Variants in MREG observed in about 807,000 individuals in gnomAD.
The protein encoded by MREG is dilute suppressor protein homolog.
Under a neutral mutation model 28.5 loss-of-function variants are expected in MREG, and 31 were observed. That is an observed-to-expected ratio of 1.09 (90% CI 0.82 to 1.47). The LOEUF is 1.47. MREG is among the 40% of genes most tolerant of loss of function. The pLI is 0.00. For missense variants in MREG, 256 were observed against 257.4 expected, an observed-to-expected ratio of 0.99 and a Z score of 0.04; for synonymous variants, 106 against 95.2, an observed-to-expected ratio of 1.11 and a Z score of -0.66.
At chr2:215,967,507 T>A (rs923878036) in intron 2 of MREG, among the ~76,000 whole-genome samples, 7 of 152,228 alleles carry the variant, frequency 4.6e-5, no homozygotes, top group Non-Finnish European at 1.0e-4. Flanking sequence ...AGCTAGAAGA[T>A]TCTCTCAATC....
upstream of MREG, among the ~76,000 whole-genome samples, chr2:216,016,508 C>T (rs1273276852): frequency 6.6e-6 from 1 of 152,082 alleles, no homozygotes; most frequent in Non-Finnish European, 1.5e-5. Context: ...AGTGCTGTGC[C>T]CCATTACTAA....
chr2:215,951,176 C>T lies in MREG; in HGVS notation c.256-4063G>A, dbSNP rs185942220. ...CTCTTTTCTTCATAAATTACCCAGCCTCAGGTGGTTCTTTATAGCAGTGTG... is the reference window on the plus strand; with the variant it reads ...CTCTTTTCTTCATAAATTACCCAGCTTCAGGTGGTTCTTTATAGCAGTGTG... On this transcript the variant is annotated intron_variant, in intron 2 of 4. Transcript: ENST00000263268. Among the ~76,000 whole-genome samples, 15 of 152,254 alleles carry T rather than the reference C, an allele frequency of 9.9e-5. No homozygotes were observed. The East Asian group carries it at 2.5e-3, about 25-fold the overall frequency.
At chr2:215,953,565 A>T (rs1270491366) in intron 2 of MREG, among the ~76,000 whole-genome samples, 1 of 152,236 alleles carries the variant, frequency 6.6e-6, no homozygotes, top group Non-Finnish European at 1.5e-5. Context: ...GCACAATGTG[A>T]TATGAAGGTG....
upstream of MREG, among the ~76,000 whole-genome samples, chr2:216,013,892 C>CA (rs1209213279): frequency 6.6e-6 from 1 of 151,944 alleles, no homozygotes; most frequent in Non-Finnish European, 1.5e-5. Flanking sequence ...ACCAAAAGAG[C>CA]ATGGATTGAT....
downstream of MREG, among the ~76,000 whole-genome samples, chr2:215,940,110 G>A (rs1692180601): frequency 6.6e-6 from 1 of 152,186 alleles, no homozygotes. Flanking sequence ...AAATCTGGTT[G>A]CCTGACTTAG....
At chr2:215,949,250 G>C (rs988806736) in intron 2 of MREG, among the ~76,000 whole-genome samples, 48 of 144,028 alleles carry the variant, frequency 3.3e-4, no homozygotes, top group African/African-American at 1.2e-3. Flanking sequence ...GTGAGAGTGA[G>C]ACTTTGTCTT....
chr2:215,987,103 A>T (rs1693592082), intron 2 of MREG, among the ~76,000 whole-genome samples: 1 of 152,246 alleles, frequency 6.6e-6, no homozygotes, highest in Admixed American at 6.5e-5. Context: ...AGTTCCCTGA[A>T]GCAAAAAAGT....
At chr2:215,947,635 C>T (rs552946599) in intron 2 of MREG, among the ~76,000 whole-genome samples, 6 of 152,274 alleles carry the variant, frequency 3.9e-5, no homozygotes, top group East Asian at 3.9e-4. Flanking sequence ...TCATAAGAAA[C>T]AGACACACAC....
At chr2:215,987,030 C>T (rs762326015) in intron 2 of MREG, among the ~76,000 whole-genome samples, 3 of 152,032 alleles carry the variant, frequency 2.0e-5, no homozygotes, top group Non-Finnish European at 2.9e-5. Flanking sequence ...AATAAATCAA[C>T]GTAAATATCA....
At chr2:215,979,719 G>A (rs889375551) in intron 2 of MREG, among the ~76,000 whole-genome samples, 1 of 151,628 alleles carries the variant, frequency 6.6e-6, no homozygotes, top group Non-Finnish European at 1.5e-5. Context: ...AGACTGCCTT[G>A]AGAAGCCAGC....
chr2:215,955,414 T>C (rs898781397), intron 2 of MREG, among the ~76,000 whole-genome samples: 1 of 152,202 alleles, frequency 6.6e-6, no homozygotes, highest in Admixed American at 6.6e-5. Flanking sequence ...TCATGCACTA[T>C]ATACCACCCT....
chr2:216,024,295 G>A (rs1227965396), intron 1 of MREG, among the ~76,000 whole-genome samples: 1 of 152,102 alleles, frequency 6.6e-6, no homozygotes, highest in Non-Finnish European at 1.5e-5. Context: ...CCAGCACTTT[G>A]GGAGACTGAG....
Position 215,943,750 on chromosome 2 carries a change from G to A in MREG, c.*1113C>T, listed in dbSNP as rs766932764. 206 of 263,132 alleles carry A rather than the reference G, an allele frequency of 7.8e-4. No individual in the cohort carries two copies. Among genetic ancestry groups the A allele is most frequent in the Middle Eastern group, 1.5e-3 (1 of 680 alleles). 16.3% of individuals were successfully genotyped at this position (263,132 alleles called of 1,614,324 possible). On this transcript the variant is annotated 3_prime_UTR_variant, in exon 5 of 5. Coordinates refer to ENST00000263268, the MANE Select transcript of MREG (RefSeq NM_018000.3). Reference sequence around the variant, plus strand: ...CAGCTACTCCAGAGGCTGAGGCAGGGGAATCACTTGAAACCGGAAGGCGGA... The same window carrying A: ...CAGCTACTCCAGAGGCTGAGGCAGGAGAATCACTTGAAACCGGAAGGCGGA...
At chr2:215,983,597 C>G (rs1693486355) in intron 2 of MREG, among the ~76,000 whole-genome samples, 1 of 152,170 alleles carries the variant, frequency 6.6e-6, no homozygotes, top group African/African-American at 2.4e-5. Context: ...AAATGAGGAT[C>G]ATTTATGTGT....
intron 1 of MREG, among the ~76,000 whole-genome samples, chr2:216,030,886 C>T (rs964756063): frequency 2.7e-5 from 4 of 149,630 alleles, no homozygotes; most frequent in African/African-American, 9.8e-5. Context: ...CAATTTATTT[C>T]GGCATTCCAA....
intron 2 of MREG, among the ~76,000 whole-genome samples, chr2:215,950,309 C>T (rs919836011): frequency 6.6e-6 from 1 of 152,214 alleles, no homozygotes; most frequent in African/African-American, 2.4e-5. Context: ...TTTAAAACAT[C>T]CTTCCCTTCC....
intron 2 of MREG, among the ~76,000 whole-genome samples, chr2:215,948,936 C>A (rs1456054071): frequency 6.6e-6 from 1 of 152,082 alleles, no homozygotes; most frequent in Non-Finnish European, 1.5e-5. Context: ...AGGACGCTGG[C>A]TCACACCTCT....
At chr2:216,008,258 T>C (rs934202820) in intron 1 of MREG, among the ~76,000 whole-genome samples, 27 of 152,154 alleles carry the variant, frequency 1.8e-4, no homozygotes, top group Admixed American at 1.6e-3. Context: ...CTGTACAGAT[T>C]GGGCTTAGTG....
chr2:215,946,876 A>C, intron 3 of MREG, 147 bp downstream of exon 3: 1 of 603,832 alleles, frequency 1.7e-6, no homozygotes, highest in South Asian at 2.0e-5. Flanking sequence ...TGAGGATATA[A>C]GAGCAAGATT....
Sources: allele counts gnomAD v4.1 joint callset (sites outside exome capture counted in the v4.1 genomes callset), GRCh38; gene constraint gnomAD v4.1.1; transcripts MANE v1.5; gene names NCBI Gene and HGNC (gene_info 2026-07-23, HGNC 2026-07-21).